The following EP400 variants were observed in gnomAD, a reference collection of about 807,000 sequenced individuals.
EP400 encodes E1A binding protein p400.
EP400 carries 105 observed loss-of-function variants against 354.1 expected under a neutral mutation model. That is an observed-to-expected ratio of 0.30 (90% CI 0.25 to 0.35). EP400 has a LOEUF of 0.35. Ranked by LOEUF, EP400 falls within the 10% of genes least tolerant of loss-of-function variation. The pLI is 1.00. For synonymous variants in EP400, 1,646 were observed against 1,716.9 expected (o/e 0.96, Z 1.02); for missense variants, 3,280 against 4,121.0 (o/e 0.80, Z 5.59).
In EP400 at chr12:132,013,227, G is replaced by T; in HGVS notation, c.3611+49G>T. ...TTGAGTGTTCTTTGCTGTTGATGTAGAAGATTCTCTTGAAGAAATCTGCAT... is the reference window on the plus strand; with the variant it reads ...TTGAGTGTTCTTTGCTGTTGATGTATAAGATTCTCTTGAAGAAATCTGCAT... On this transcript the variant is annotated intron_variant, in intron 17 of 52. Transcript: ENST00000389561. The surrounding 1 kb of genome is among the most constrained non-coding windows in gnomAD (Gnocchi z 4.5). 6.4e-7 allele frequency: 1 copy of T among 1,560,104 alleles called. No individual in the cohort carries two copies. Among genetic ancestry groups the T allele is most frequent in the East Asian group, 2.3e-5 (1 of 43,888 alleles).
At chr12:132,069,214 C>T in intron 50 of EP400, 1 of 394,172 alleles carries the variant, frequency 2.5e-6, no homozygotes, top group East Asian at 3.9e-5. Context: ...CCCCACCAGC[C>T]CGACTATTCA....
rs1056341575 is a variant in EP400, at chr12:131,990,341, C to T, written c.2550+237C>T. Reference sequence around the variant, plus strand: ...GGCTGCCCTCTGAGGTGCTTCATGCCGTGGAGGGGCTCTGGGCATTGTTTC... The same window carrying T: ...GGCTGCCCTCTGAGGTGCTTCATGCTGTGGAGGGGCTCTGGGCATTGTTTC... On this transcript the variant is annotated intron_variant, in intron 8 of 52. Transcript: ENST00000389561. The surrounding 1 kb of genome is among the most constrained non-coding windows in gnomAD (Gnocchi z 4.2). Among the ~76,000 whole-genome samples, 1 of 152,192 alleles carries T rather than the reference C, an allele frequency of 6.6e-6. No homozygotes were observed. The highest frequency in any genetic ancestry group is 1.5e-5 in the Non-Finnish European group (1 of 68,040).
chr12:131,952,196 G>C (rs1442678381), intron 1 of EP400, among the ~76,000 whole-genome samples: 2 of 150,784 alleles, frequency 1.3e-5, no homozygotes, highest in Non-Finnish European at 3.0e-5. Context: ...CCAGCTACTC[G>C]GGAGGCTGAG....
At chr12:131,979,963 T>C (rs1022551229) in intron 3 of EP400, among the ~76,000 whole-genome samples, 170 bp downstream of exon 3, 2 of 152,250 alleles carry the variant, frequency 1.3e-5, no homozygotes, top group Non-Finnish European at 2.9e-5. Context: ...ACGTGAATTT[T>C]TCTGTGTCCT....
chr12:132,054,003 C>T lies in EP400; in HGVS notation c.7728+406C>T, dbSNP rs374823191. Among the ~76,000 whole-genome samples, 2 of 152,214 alleles carry T rather than the reference C, an allele frequency of 1.3e-5. No individual in the cohort carries two copies. Among genetic ancestry groups the T allele is most frequent in the South Asian group, 2.1e-4 (1 of 4,828 alleles). On this transcript the variant is annotated intron_variant, in intron 43 of 52. Coordinates refer to ENST00000389561, the MANE Select transcript of EP400 (RefSeq NM_015409.5). This position sits in a 1 kb window ranked among gnomAD's most constrained non-coding sequence, Gnocchi z 4.0. ...GTCTCAAAGCATGCCCATGTGTGCT[C>T]CCCCACACAGGTCAGTCTTTAATGC...
chr12:131,960,707 G>GGGGCCCCCCCCCCCCCCCCCCCCCCCCCC lies in EP400; in HGVS notation c.88_89insGGGCCCCCCCCCCCCCCCCCCCCCCCCCC (p.Ala30GlyfsTer42). ...TGGCAGCGAGGGTGAGGAGCAGCCG[G>GGGGCCCCCCCCCCCCCCCCCCCCCCCCCC]CCCACCCCAACCCACCCCCGTCCCC... is the stretch of plus-strand genomic sequence containing the variant. On this transcript the variant is annotated frameshift_variant, in exon 2 of 53. Transcript: ENST00000389561. LOFTEE classifies it high-confidence loss of function. The GGGGCCCCCCCCCCCCCCCCCCCCCCCCCC allele has an allele frequency of 6.5e-7, 1 of 1,545,590 alleles. No individual in the cohort carries two copies. Among genetic ancestry groups the GGGGCCCCCCCCCCCCCCCCCCCCCCCCCC allele is most frequent in the Non-Finnish European group, 8.7e-7 (1 of 1,146,246 alleles).
At chr12:132,066,534 G>A (rs1174510320) in intron 48 of EP400, 22 of 498,038 alleles carry the variant, frequency 4.4e-5, no homozygotes, top group African/African-American at 6.1e-5. Flanking sequence ...ACATCTGAAC[G>A]CAGCAGCATG....
intron 5 of EP400, among the ~76,000 whole-genome samples, chr12:131,985,850 C>T (rs1485354921): frequency 2.0e-5 from 3 of 152,148 alleles, no homozygotes; most frequent in Non-Finnish European, 2.9e-5. Context: ...TCAGGTGATC[C>T]GCCCACCTCG....
rs200025916 is a variant in EP400 at position 132,021,184 on chromosome 12, T to C, written c.4553T>C (p.Leu1518Pro). ...GCTAGCCCGGCCCATCCTGCGAAAC[T>C]GCGGGCCCAGACCACAGCACAGGCC... Reference protein sequence around the residue: ...TAASPAHPAKLRAQTTAQAST... With the variant: ...TAASPAHPAKPRAQTTAQAST... The change falls in exon 23 of 53, where the codon CTG becomes CCG. Residue 1518 changes from leucine (L) to proline (P), a missense_variant. Transcript: ENST00000389561. 485 of 1,600,988 alleles carry C rather than the reference T, an allele frequency of 3.0e-4. 5 individuals carry two copies. The East Asian group carries it at 0.011, about 35-fold the overall frequency.
At chr12:132,034,514 G>A (rs1894628127) in intron 30 of EP400, among the ~76,000 whole-genome samples, 1 of 152,220 alleles carries the variant, frequency 6.6e-6, no homozygotes, top group African/African-American at 2.4e-5. Flanking sequence ...TTGCAGTGTG[G>A]ACGTCCTGAT....
rs751534052 is a variant in EP400 at position 132,055,191 on chromosome 12, G to T, written c.7867G>T (p.Ala2623Ser). The T allele has an allele frequency of 1.3e-6, 2 of 1,568,688 alleles. No individual in the cohort carries two copies. The highest frequency in any genetic ancestry group is 1.9e-5 in the Admixed American group (1 of 52,348). Residue 2623 changes from alanine to serine, a missense_variant, in exon 45 of 53, where the codon GCT becomes TCT. By Grantham distance (99) the Ala-to-Ser change is moderately conservative (BLOSUM62 1). Around this residue, in one of 20 missense-constraint regions of EP400, gnomAD observed 255 missense variants for 295.9 expected, o/e 0.86. Coordinates refer to ENST00000389561, the MANE Select transcript of EP400 (RefSeq NM_015409.5). ...CAACAAGCGCCTGGCGTCGCCAGTG[G>T]CTCCTGGGGCCTTGACTGTGAGTTG... is the stretch of plus-strand genomic sequence containing the variant. ...SINKRLASPV[A>S]PGALTTPGGS... is the part of the protein sequence containing the mutation.
chr12:131,968,265 TG>T (rs1210285021), intron 2 of EP400, among the ~76,000 whole-genome samples: 4 of 152,222 alleles, frequency 2.6e-5, no homozygotes, highest in Non-Finnish European at 5.9e-5. Context: ...CGTAAAATTT[TG>T]TGTAACATGG....
At position 131,990,779 on chromosome 12, in the gene EP400, C is replaced by T. The variant is rs563780237; in HGVS notation, c.2629+65C>T. 1.6e-6 allele frequency: 2 copies of T among 1,240,286 alleles called. No individual in the cohort carries two copies. The highest frequency in any genetic ancestry group is 1.3e-5 in the South Asian group (1 of 76,956). 76.8% of individuals were successfully genotyped at this position (1,240,286 alleles called of 1,614,324 possible). On this transcript the variant is annotated intron_variant, in intron 9 of 52. Transcript: ENST00000389561. The surrounding 1 kb of genome is among the most constrained non-coding windows in gnomAD (Gnocchi z 4.2). Reference sequence around the variant, plus strand: ...TATTTTGTTCGGATTCTTTTCTCAGCAGGCAGTCTCCTGGCGCTGTGGCTT... The same window carrying T: ...TATTTTGTTCGGATTCTTTTCTCAGTAGGCAGTCTCCTGGCGCTGTGGCTT...
At chr12:132,019,964 C>T (rs113255607) in intron 21 of EP400, 85 bp from the exon 22 acceptor site, 44 of 1,383,704 alleles carry the variant, frequency 3.2e-5, no homozygotes, top group East Asian at 3.0e-4. Context: ...CTATGGGCAG[C>T]GGTGAACCCC....
At position 132,027,245 on chromosome 12, in the gene EP400, G is replaced by A. The variant is rs1894337561; in HGVS notation, c.5015-192G>A. Among the ~76,000 whole-genome samples the A allele has an allele frequency of 6.6e-6, 1 of 152,220 alleles. No individual in the cohort carries two copies. The highest frequency in any genetic ancestry group is 1.5e-5 in the Non-Finnish European group (1 of 68,044). On this transcript the variant is annotated intron_variant, in intron 25 of 52. Coordinates refer to ENST00000389561, the MANE Select transcript of EP400 (RefSeq NM_015409.5). The surrounding 1 kb of genome is among the most constrained non-coding windows in gnomAD (Gnocchi z 4.9). ...AGCATGCTTCCGTGGCAGGTCTAAA[G>A]CATTTAAGTTTGAGCCCATGCACAT...
intron 46 of EP400, 26 bp from the exon 47 acceptor site, chr12:132,062,440 G>A: frequency 6.2e-7 from 1 of 1,612,812 alleles, no homozygotes. Context: ...TCCCTGTCCA[G>A]ACCTAATGAG....
At chr12:131,969,442 CCAGT>C (rs1892214427) in intron 2 of EP400, among the ~76,000 whole-genome samples, 1 of 152,058 alleles carries the variant, frequency 6.6e-6, no homozygotes, top group African/African-American at 2.4e-5. Flanking sequence ...ATGCTCCTTG[CCAGT>C]CATTTACTGC....
chr12:132,014,181 TC>T (rs1196327707), intron 19 of EP400, among the ~76,000 whole-genome samples: 2 of 152,226 alleles, frequency 1.3e-5, no homozygotes, highest in East Asian at 3.8e-4. Context: ...CTGGTGCTGC[TC>T]CCTGTGTTGC....
intron 9 of EP400, 53 bp from the exon 10 acceptor site, chr12:131,991,354 C>T: frequency 6.3e-7 from 1 of 1,598,312 alleles, no homozygotes; most frequent in Non-Finnish European, 8.6e-7. Context: ...GCAGAGACGC[C>T]CTCGCCAAGC....
Sources: allele counts gnomAD v4.1 joint callset (sites outside exome capture counted in the v4.1 genomes callset), GRCh38; gene constraint gnomAD v4.1.1; regional missense constraint gnomAD v4.1.1; non-coding constraint Gnocchi (gnomAD v3.1); transcripts MANE v1.5; gene names NCBI Gene and HGNC (gene_info 2026-07-23, HGNC 2026-07-21).